DUSP22: variants seen among roughly 807,000 people sequenced by gnomAD.
DUSP22 encodes dual specificity protein phosphatase 22.
DUSP22 carries 24 observed loss-of-function variants against 24.5 expected under a neutral mutation model. The observed-to-expected ratio is 0.98, with a 90% CI of 0.71 to 1.38. The LOEUF is 1.38. DUSP22 is among the 40% of genes most tolerant of loss of function. DUSP22 has a pLI of 0.00. For missense variants in DUSP22, 330 were observed against 269.2 expected, an observed-to-expected ratio of 1.23 and a Z score of -1.58; for synonymous variants, 160 against 106.4, an observed-to-expected ratio of 1.50 and a Z score of -3.10.
At chr6:311,622 G>A (rs1294420690) in intron 2 of DUSP22, among the ~76,000 whole-genome samples, 2 of 152,268 alleles carry the variant, frequency 1.3e-5, no homozygotes, top group Non-Finnish European at 2.9e-5. Context: ...GGAGCTTGCA[G>A]TGAGCCGAGA....
intron 3 of DUSP22, among the ~76,000 whole-genome samples, chr6:328,737 G>A (rs1285274082): frequency 1.3e-5 from 2 of 152,306 alleles, no homozygotes; most frequent in Admixed American, 1.3e-4. Context: ...CATGAATAAT[G>A]CAGCCTAACT....
At chr6:308,335 C>T (rs1183364216) in intron 2 of DUSP22, among the ~76,000 whole-genome samples, 2 of 152,304 alleles carry the variant, frequency 1.3e-5, no homozygotes, top group Admixed American at 1.3e-4. Context: ...TACCTCGCTG[C>T]TCATGATTGT....
intron 1 of DUSP22, among the ~76,000 whole-genome samples, chr6:295,799 C>CAA (rs61498181): frequency 1.5e-3 from 206 of 137,930 alleles, no homozygotes; most frequent in African/African-American, 4.4e-3. Context: ...GACCCTGTTT[C>CAA]AAAAAAAAAA....
chr6:299,846 A>T (rs1413086561), intron 1 of DUSP22, among the ~76,000 whole-genome samples: 1 of 152,304 alleles, frequency 6.6e-6, no homozygotes, highest in Non-Finnish European at 1.5e-5. Context: ...CACTCAGGGC[A>T]GAAAGGGGCA....
chr6:348,684 T>A, intron 6 of DUSP22, 85 bp from the exon 7 acceptor site: 1 of 1,576,262 alleles, frequency 6.3e-7, no homozygotes, highest in Non-Finnish European at 8.7e-7. Flanking sequence ...GCACCATCTC[T>A]GTGGTGAAGT....
intron 3 of DUSP22, among the ~76,000 whole-genome samples, chr6:328,603 C>A (rs1167523309): frequency 6.6e-6 from 1 of 152,306 alleles, no homozygotes; most frequent in African/African-American, 2.4e-5. Flanking sequence ...CCCATCAGTA[C>A]CACAGAGTTC....
At chr6:319,618 G>A (rs1401849307) in intron 3 of DUSP22, among the ~76,000 whole-genome samples, 6 of 152,424 alleles carry the variant, frequency 3.9e-5, no homozygotes, top group South Asian at 4.1e-4. Flanking sequence ...TCCCATTTGC[G>A]TTGGCCATTG....
At chr6:347,262 G>A (rs542352377) in intron 5 of DUSP22, among the ~76,000 whole-genome samples, 3 of 152,424 alleles carry the variant, frequency 2.0e-5, no homozygotes, top group South Asian at 2.1e-4. Flanking sequence ...CTACTTGAGA[G>A]TGGGGTTTTA....
At chr6:341,612 G>A (rs1759611876) in intron 4 of DUSP22, among the ~76,000 whole-genome samples, 1 of 152,306 alleles carries the variant, frequency 6.6e-6, no homozygotes, top group South Asian at 2.1e-4. Flanking sequence ...TGCACTGTGG[G>A]GCTCTGAGCG....
At chr6:342,782 G>T (rs1759670550) in intron 4 of DUSP22, among the ~76,000 whole-genome samples, 5 of 152,304 alleles carry the variant, frequency 3.3e-5, no homozygotes, top group Admixed American at 3.3e-4. Flanking sequence ...GAAGGGAAAG[G>T]TTTTCCAGAA....
intron 3 of DUSP22, among the ~76,000 whole-genome samples, chr6:332,127 G>T (rs569007710): frequency 4.6e-5 from 7 of 152,424 alleles, no homozygotes; most frequent in Non-Finnish European, 8.8e-5. Flanking sequence ...AGACATTTCA[G>T]TGAGTGCCTG....
chr6:301,094 G>A (rs1198828894), intron 1 of DUSP22, among the ~76,000 whole-genome samples: 3 of 152,308 alleles, frequency 2.0e-5, no homozygotes, highest in African/African-American at 7.2e-5. Context: ...TACGTGAGCA[G>A]GTATCTGGCA....
chr6:347,963 C>T (rs1045234450), intron 5 of DUSP22, 140 bp from the exon 6 acceptor site: 53 of 1,268,016 alleles, frequency 4.2e-5, no homozygotes, highest in Non-Finnish European at 4.8e-5. Context: ...TTCCTGGTGG[C>T]GAGCTTGCTG....
intron 2 of DUSP22, among the ~76,000 whole-genome samples, chr6:306,691 T>G (rs1267718303): frequency 6.6e-6 from 1 of 152,306 alleles, no homozygotes; most frequent in Non-Finnish European, 1.5e-5. Context: ...GGAGAGGAAG[T>G]ATTTTCCCCA....
At chr6:334,092 C>A (rs999639969) in intron 3 of DUSP22, among the ~76,000 whole-genome samples, 1 of 152,302 alleles carries the variant, frequency 6.6e-6, no homozygotes, top group Non-Finnish European at 1.5e-5. Context: ...ACTGAAGATG[C>A]GTTGCGTTGT....
chr6:292,700 C>G, intron 1 of DUSP22, 140 bp downstream of exon 1: 2 of 1,282,164 alleles, frequency 1.6e-6, no homozygotes, highest in Non-Finnish European at 2.1e-6. Context: ...GGCGGCGCGC[C>G]TGGGCGGCGA....
At chr6:298,235 A>G (rs1442618248) in intron 1 of DUSP22, among the ~76,000 whole-genome samples, 4 of 152,290 alleles carry the variant, frequency 2.6e-5, no homozygotes, top group East Asian at 1.9e-4. Context: ...CCCTTTTTAT[A>G]TGCAAACTGG....
chr6:343,185 G>A (rs1215332015), intron 4 of DUSP22, among the ~76,000 whole-genome samples: 1 of 152,312 alleles, frequency 6.6e-6, no homozygotes, highest in African/African-American at 2.4e-5. Flanking sequence ...TCTGGGTGCA[G>A]GTATTCTGCT....
intron 1 of DUSP22, among the ~76,000 whole-genome samples, chr6:295,799 CA>C (rs61498181): frequency 0.36 from 49,487 of 138,068 alleles, 4,201 homozygotes; most frequent in Non-Finnish European, 0.4. Context: ...GACCCTGTTT[CA>C]AAAAAAAAAA....
Sources: allele counts gnomAD v4.1 joint callset (sites outside exome capture counted in the v4.1 genomes callset), GRCh38; gene constraint gnomAD v4.1.1; transcripts MANE v1.5; gene names NCBI Gene and HGNC (gene_info 2026-07-23, HGNC 2026-07-21).